FAM83A: variants seen among roughly 807,000 people sequenced by gnomAD.
FAM83A encodes the protein protein FAM83A.
A neutral mutation model predicts 24.4 loss-of-function variants in FAM83A; 21 were observed. That is an observed-to-expected ratio of 0.86 (90% CI 0.61 to 1.24). FAM83A has a LOEUF of 1.24. Among genes scored for constraint, FAM83A ranks in the 50% most tolerant of loss-of-function variants. FAM83A has a pLI of 0.00. For missense variants in FAM83A, 617 were observed against 579.8 expected, an observed-to-expected ratio of 1.06 and a Z score of -0.66; for synonymous variants, 270 against 252.4, an observed-to-expected ratio of 1.07 and a Z score of -0.66.
exon 4 of FAM83A, chr8:123,207,552 A>T: frequency 6.5e-7 from 1 of 1,545,818 alleles, no homozygotes; most frequent in Non-Finnish European, 8.7e-7. Flanking sequence ...CCGCGGCCCC[A>T]CGACGGCCCG....
intron 3 of FAM83A, among the ~76,000 whole-genome samples, chr8:123,194,952 A>G (rs1028078132): frequency 6.6e-6 from 1 of 152,106 alleles, no homozygotes; most frequent in African/African-American, 2.4e-5. Flanking sequence ...TATTCTAACA[A>G]TGCTACCTTG....
At chr8:123,193,873 T>C in intron 2 of FAM83A, 151 bp from the exon 3 acceptor site, 2 of 946,076 alleles carry the variant, frequency 2.1e-6, no homozygotes, top group Non-Finnish European at 3.1e-6. Flanking sequence ...CCTAATCTCC[T>C]CCCAAAGGCC....
Position 123,209,800 on chromosome 8 carries a change from T to C in FAM83A, c.*2112T>C. The C allele has an allele frequency of 3.8e-6, 2 of 529,096 alleles. No individual in the cohort carries two copies. Among genetic ancestry groups the C allele is most frequent in the South Asian group, 2.4e-5 (1 of 40,958 alleles). 32.8% of individuals were successfully genotyped at this position (529,096 alleles called of 1,614,324 possible). A position where few individuals can be genotyped will look rare whatever the true frequency, so the allele number is the denominator to read the frequency against. On this transcript the variant is annotated 3_prime_UTR_variant, in exon 4 of 4. Coordinates refer to ENST00000690554, the Ensembl canonical transcript of FAM83A. The surrounding 1 kb of genome is among the most constrained non-coding windows in gnomAD (Gnocchi z 4.7). ...TCTTTGTTGACAAAGGTGCAGTTTC[T>C]CCTCTCCTGGGCACCTGTAACATGT...
At chr8:123,192,234 G>A (rs1280479284) in intron 2 of FAM83A, among the ~76,000 whole-genome samples, 1 of 152,156 alleles carries the variant, frequency 6.6e-6, no homozygotes, top group East Asian at 1.9e-4. Context: ...GATCTGACCT[G>A]GAGGAGATTT....
At chr8:123,183,454 C>T (rs1823685053) in intron 1 of FAM83A, 118 bp downstream of exon 1, 5 of 1,434,322 alleles carry the variant, frequency 3.5e-6, no homozygotes, top group Admixed American at 2.4e-5. Context: ...ATTGGGGCTT[C>T]GGATGGAGGG....
At chr8:123,207,905 C>G in exon 4 of FAM83A, 1 of 1,276,008 alleles carries the variant, frequency 7.8e-7, no homozygotes, top group Non-Finnish European at 9.9e-7. Context: ...GCAGCACATT[C>G]CAGAAGGTTC....
Position 123,209,730 on chromosome 8 carries a change from C to G in FAM83A, c.*2042C>G, listed in dbSNP as rs112923941. 41 of 649,930 alleles carry G rather than the reference C, an allele frequency of 6.3e-5. No homozygotes were observed. The highest frequency in any genetic ancestry group is 5.5e-4 in the African/African-American group (30 of 55,028). The allele number at this position is 649,930 out of a possible 1,614,324, so 40.3% of individuals were successfully genotyped here. A position where few individuals can be genotyped will look rare whatever the true frequency, so the allele number is the denominator to read the frequency against. On this transcript the variant is annotated 3_prime_UTR_variant, in exon 4 of 4. Coordinates refer to ENST00000690554, the Ensembl canonical transcript of FAM83A. The surrounding 1 kb of genome is among the most constrained non-coding windows in gnomAD (Gnocchi z 4.7). The stretch of plus-strand genomic sequence containing the variant: ...GAACCTGCAGGCAGGAACAAGCCCC[C>G]CTACTCCTGACCACCCTCCATCAGC...
rs767794505 is a variant in FAM83A at position 123,192,010 on chromosome 8, G to C, written c.648+40G>C. On this transcript the variant is annotated intron_variant, in intron 2 of 3. Transcript: ENST00000690554. ...GAGAGTCCTAAGGGTACTCATATTA[G>C]CCCAGATAGGATAGTCTATGCAATA... 5 of 1,604,194 alleles carry C rather than the reference G, an allele frequency of 3.1e-6. No individual in the cohort carries two copies. The African/African-American group carries it at 6.7e-5, about 21-fold the overall frequency.
chr8:123,193,474 C>G (rs1008961535), intron 2 of FAM83A, among the ~76,000 whole-genome samples: 1 of 152,074 alleles, frequency 6.6e-6, no homozygotes, highest in African/African-American at 2.4e-5. Flanking sequence ...CCAGCTGATG[C>G]CAGGACAGTG....
At chr8:123,179,303 T>G (rs1823539257), upstream of FAM83A, 1 of 152,200 alleles carries the variant, frequency 6.6e-6, no homozygotes, top group African/African-American at 2.4e-5. Context: ...AATGTCATTA[T>G]CATGGGAGCG....
upstream of FAM83A, chr8:123,180,085 G>A (rs1287443529): frequency 6.6e-6 from 1 of 152,162 alleles, no homozygotes; most frequent in East Asian, 1.9e-4. Context: ...CTGAGCCTCG[G>A]TTTCCTCTTT....
chr8:123,200,960 A>ATATATATATATAT (rs1048139338), intron 3 of FAM83A, among the ~76,000 whole-genome samples: 3 of 107,888 alleles, frequency 2.8e-5, no homozygotes. Flanking sequence ...AAATAAACAA[A>ATATATATATATAT]AAAAAAAAAT....
chr8:123,199,019 CG>C (rs1824257729), intron 3 of FAM83A, among the ~76,000 whole-genome samples: 1 of 152,186 alleles, frequency 6.6e-6, no homozygotes, highest in African/African-American at 2.4e-5. Flanking sequence ...GGATTACAGG[CG>C]TCAGCCACTG....
intron 1 of FAM83A, among the ~76,000 whole-genome samples, chr8:123,187,671 C>T (rs1055660526): frequency 3.3e-5 from 5 of 152,022 alleles, no homozygotes; most frequent in Admixed American, 2.0e-4. Context: ...GTAACCCACA[C>T]GAACAAAAGC....
At chr8:123,181,938 A>G (rs1281765482), upstream of FAM83A, 3 of 431,486 alleles carry the variant, frequency 7.0e-6, no homozygotes, top group Admixed American at 2.4e-5. Context: ...TCCCATTGCC[A>G]GATCACGATC....
intron 3 of FAM83A, among the ~76,000 whole-genome samples, chr8:123,205,047 G>A (rs894447495): frequency 8.5e-5 from 13 of 152,128 alleles, no homozygotes; most frequent in African/African-American, 3.1e-4. Flanking sequence ...AGGAGGCAGA[G>A]GCTGCGATGA....
chr8:123,204,501 G>A (rs371801556), intron 3 of FAM83A, among the ~76,000 whole-genome samples: 11 of 151,976 alleles, frequency 7.2e-5, no homozygotes, highest in East Asian at 5.8e-4. Context: ...AGTGGCTCAC[G>A]CCTGTAATCC....
chr8:123,203,076 T>A (rs1052951672), intron 3 of FAM83A, among the ~76,000 whole-genome samples: 5 of 151,836 alleles, frequency 3.3e-5, no homozygotes, highest in African/African-American at 4.8e-5. Flanking sequence ...CTGGAAAAAA[T>A]AACTCCCCGT....
At chr8:123,192,683 G>A (rs1204621413) in intron 2 of FAM83A, among the ~76,000 whole-genome samples, 4 of 152,106 alleles carry the variant, frequency 2.6e-5, no homozygotes, top group Non-Finnish European at 1.5e-5. Flanking sequence ...TGTCCTCTGG[G>A]AGAACCTCCC....
Sources: gnomAD v4.1 joint callset for allele counts (sites outside exome capture counted in the v4.1 genomes callset) on GRCh38, gnomAD v4.1.1 for gene constraint, Gnocchi (gnomAD v3.1) non-coding constraint, MANE v1.5 for transcripts, NCBI Gene and HGNC (gene_info 2026-07-23, HGNC 2026-07-21) for gene names.